The following CLK2 variants were observed in gnomAD, a reference collection of about 807,000 sequenced individuals.
CLK2 encodes the protein dual specificity protein kinase CLK2.
A neutral mutation model predicts 73.5 loss-of-function variants in CLK2; 12 were observed. That is an observed-to-expected ratio of 0.16 (90% CI 0.10 to 0.26). CLK2 has a LOEUF of 0.26. CLK2 is among the 10% of genes least tolerant of loss of function. The probability of loss-of-function intolerance (pLI) is 1.00; values close to 1 mark genes in which losing one functional copy is unlikely to be tolerated. For missense variants in CLK2, 509 were observed against 688.4 expected (o/e 0.74, Z 2.92); for synonymous variants, 232 against 237.9 (o/e 0.98, Z 0.23).
rs376415401 is a variant in CLK2, at chr1:155,269,731, A to T, written c.171-15T>A. On this transcript the variant is annotated splice_polypyrimidine_tract_variant and intron_variant, in intron 2 of 12. Coordinates refer to ENST00000368361, the MANE Select transcript of CLK2 (RefSeq NM_001294338.2). ...CATCATAACTGCTGTTGGATAACAAATACCAATGAGGTGTATCTGTTCAGA... is the reference window on the plus strand; with the variant it reads ...CATCATAACTGCTGTTGGATAACAATTACCAATGAGGTGTATCTGTTCAGA... 6.2e-7 allele frequency: 1 copy of T among 1,609,586 alleles called. No homozygotes were observed. The highest frequency in any genetic ancestry group is 2.2e-5 in the East Asian group (1 of 44,864).
rs1428231721 is a variant in CLK2, at chr1:155,268,051, G to A, written c.630C>T (p.Asn210=). The A allele has an allele frequency of 4.3e-6, 7 of 1,613,974 alleles. No homozygotes were observed. Among genetic ancestry groups the A allele is most frequent in the Admixed American group, 3.3e-5 (2 of 59,996 alleles). ...CTTTCTCATTGATTTTCTCTAGCAC[G>A]TTGATCTCAAGTCGAGCTGCTTCCT... is the stretch of plus-strand genomic sequence containing the variant. ...KYKEAARLEI[N]VLEKINEKDP... is the part of the protein sequence containing the mutation. Residue 210 remains asparagine (N), a synonymous_variant, in exon 6 of 13, where the codon AAC becomes AAT. Transcript: ENST00000368361. This position sits in a 1 kb window ranked among gnomAD's most constrained non-coding sequence, Gnocchi z 5.6.
chr1:155,269,902 A>G (rs752733708), intron 2 of CLK2, among the ~76,000 whole-genome samples, 186 bp from the exon 3 acceptor site: 11 of 152,164 alleles, frequency 7.2e-5, no homozygotes, highest in Non-Finnish European at 1.6e-4. Flanking sequence ...CTGCCATGTC[A>G]CCAAAACCTC....
At chr1:155,264,595 CCCCA>C in intron 9 of CLK2, 45 bp from the exon 10 acceptor site, 1 of 1,614,204 alleles carries the variant, frequency 6.2e-7, no homozygotes, top group Non-Finnish European at 8.5e-7. Context: ...GCTTAGGTGG[CCCCA>C]CCCTCACATC....
rs773644487 is a variant in CLK2 at position 155,269,718 on chromosome 1, T to C, written c.171-2A>G. 6.2e-7 allele frequency: 1 copy of C among 1,613,612 alleles called. No individual in the cohort carries two copies. Among genetic ancestry groups the C allele is most frequent in the South Asian group, 1.1e-5 (1 of 91,078 alleles). On this transcript the variant is annotated splice_acceptor_variant, in intron 2 of 12. Coordinates refer to ENST00000368361, the MANE Select transcript of CLK2 (RefSeq NM_001294338.2). LOFTEE classifies it high-confidence loss of function. ...TCGGACGAACGATCATCATAACTGC[T>C]GTTGGATAACAAATACCAATGAGGT...
Position 155,268,616 on chromosome 1 carries a change from A to C in CLK2, c.487+92T>G. On this transcript the variant is annotated intron_variant, in intron 4 of 12. Coordinates refer to ENST00000368361, the MANE Select transcript of CLK2 (RefSeq NM_001294338.2). This position sits in a 1 kb window ranked among gnomAD's most constrained non-coding sequence, Gnocchi z 5.6. ...CCCAGATAAACAACACCACTGAGAA[A>C]AGGCAAGAGGCTGTGACTCAGGTTG... 1.6e-6 allele frequency: 2 copies of C among 1,214,764 alleles called. No individual in the cohort carries two copies. Among genetic ancestry groups the C allele is most frequent in the Non-Finnish European group, 2.4e-6 (2 of 819,634 alleles). 75.2% of individuals were successfully genotyped at this position (1,214,764 alleles called of 1,614,324 possible). A position where few individuals can be genotyped will look rare whatever the true frequency, so the allele number is the denominator to read the frequency against.
rs144312459 is a variant in CLK2, at chr1:155,264,826, A to T, written c.934-52T>A. ...ACCTCTGCACCCAGACTGAGATTCC[A>T]CCAGTATTCTCTACATTGCTTCTGA... On this transcript the variant is annotated intron_variant, in intron 8 of 12. Coordinates refer to ENST00000368361, the MANE Select transcript of CLK2 (RefSeq NM_001294338.2). 1,354 of 1,602,560 alleles carry T rather than the reference A, an allele frequency of 8.4e-4. 5 individuals are homozygous for T. The African/African-American group carries it at 0.017, about 20-fold the overall frequency.
chr1:155,266,856 G>T lies in CLK2; in HGVS notation c.711C>A (p.Gly237=), dbSNP rs1410785936. 1 of 1,613,622 alleles carries T rather than the reference G, an allele frequency of 6.2e-7. No individual in the cohort carries two copies. The highest frequency in any genetic ancestry group is 1.1e-5 in the South Asian group (1 of 90,914). ...VQMFDWFDYH[G]HMCISFELLG... is the part of the protein sequence containing the mutation. Reference sequence around the variant, plus strand: ...GAAGCTCAAAGGAGATACACATGTGGCCATGGTAGTCAAACCAGTCAAACA... The same window carrying T: ...GAAGCTCAAAGGAGATACACATGTGTCCATGGTAGTCAAACCAGTCAAACA... Residue 237 remains glycine, a synonymous_variant, in exon 7 of 13, where the codon GGC becomes GGA. Transcript: ENST00000368361.
Position 155,263,095 on chromosome 1 carries a change from G to A in CLK2, c.*123C>T. ...ATTTACACTATTTCACATATTCACA[G>A]GTATATAGAGAGCCAGGAGGAAGGA... On this transcript the variant is annotated 3_prime_UTR_variant, in exon 13 of 13. Transcript: ENST00000368361. 1 of 875,484 alleles carries A rather than the reference G, an allele frequency of 1.1e-6. No individual in the cohort carries two copies. Among genetic ancestry groups the A allele is most frequent in the Non-Finnish European group, 1.7e-6 (1 of 585,132 alleles). The allele number at this position is 875,484 out of a possible 1,614,324, so 54.2% of individuals were successfully genotyped here. A position where few individuals can be genotyped will look rare whatever the true frequency, so the allele number is the denominator to read the frequency against.
rs1287549264 is a variant in CLK2 at position 155,263,872 on chromosome 1, G to A, written c.1317+78C>T. ...TTTCCTAACCCTCTGCTTGTGAAGA[G>A]CATTCCAGGGGGCAAACCACCCTAA... On this transcript the variant is annotated intron_variant, in intron 12 of 12. Transcript: ENST00000368361. 1.3e-5 allele frequency: 19 copies of A among 1,441,930 alleles called. No individual in the cohort carries two copies. In the Admixed American group the frequency reaches 3.4e-4, roughly 26 times the overall value. The allele number at this position is 1,441,930 out of a possible 1,614,324, so 89.3% of individuals were successfully genotyped here.
At position 155,268,853 on chromosome 1, in the gene CLK2, A is replaced by AGGGG; in HGVS notation, c.400-59_400-58insCCCC. ...AGGTGTCGGAGCGGGGGCCGGAGGGAGGCGGGGTGGGTGGTAGAGGGGTCA... is the reference window on the plus strand; with the variant it reads ...AGGTGTCGGAGCGGGGGCCGGAGGGAGGGGGGCGGGGTGGGTGGTAGAGGGGTCA... On this transcript the variant is annotated intron_variant, in intron 3 of 12. Coordinates refer to ENST00000368361, the MANE Select transcript of CLK2 (RefSeq NM_001294338.2). This position sits in a 1 kb window ranked among gnomAD's most constrained non-coding sequence, Gnocchi z 5.6. The AGGGG allele has an allele frequency of 4.7e-6, 1 of 211,358 alleles. No individual in the cohort carries two copies. The allele number at this position is 211,358 out of a possible 1,614,324, so 13.1% of individuals were successfully genotyped here. A position where few individuals can be genotyped will look rare whatever the true frequency, so the allele number is the denominator to read the frequency against.
rs34395206 is a variant in CLK2 at position 155,267,848 on chromosome 1, C to G, written c.671+162G>C. Among the ~76,000 whole-genome samples the G allele has an allele frequency of 1.6e-4, 24 of 152,208 alleles. 1 individual carries two copies. The highest frequency in any genetic ancestry group is 3.4e-3 in the Middle Eastern group (1 of 294). On this transcript the variant is annotated intron_variant, in intron 6 of 12. Coordinates refer to ENST00000368361, the MANE Select transcript of CLK2 (RefSeq NM_001294338.2). ...GGATTAAGGAATGTCATGGGCCCCC[C>G]CCCTTTCCTACCCTGATGTTCTACT...
At chr1:155,269,021 G>A in intron 3 of CLK2, 2 of 608,686 alleles carry the variant, frequency 3.3e-6, no homozygotes, top group Admixed American at 2.8e-5. Flanking sequence ...CAGGAACAGG[G>A]AGAGGCATGG....
rs750231467 is a variant in CLK2 at position 155,270,910 on chromosome 1, C to T, written c.68G>A (p.Arg23Gln). Residue 23 changes from arginine to glutamine, a missense_variant, in exon 2 of 13, where the codon CGG becomes CAG. By Grantham distance (43) the Arg-to-Gln change is conservative. Transcript: ENST00000368361. Reference protein sequence around the residue: ...GSRGSYREHYRSRKHKRRRSR... With the variant: ...GSRGSYREHYQSRKHKRRRSR... ...TCTTCGTCGCTTATGCTTTCGGCTC[C>T]GATAGTGTTCACGGTAACTCCCCCG... 91 of 1,614,138 alleles carry T rather than the reference C, an allele frequency of 5.6e-5. No individual in the cohort carries two copies. The highest frequency in any genetic ancestry group is 3.3e-4 in the Middle Eastern group (2 of 6,062).
intron 8 of CLK2, among the ~76,000 whole-genome samples, chr1:155,265,592 A>AATAAATAAATAT (rs1553224453): frequency 1.9e-3 from 286 of 149,906 alleles, no homozygotes; most frequent in East Asian, 9.0e-3. Flanking sequence ...TAAATAAATA[A>AATAAATAAATAT]ATAAATAAAT....
intron 8 of CLK2, among the ~76,000 whole-genome samples, chr1:155,265,588 A>AATAAATAAATAAATAAATAAATAT (rs1557932155): frequency 1.3e-5 from 2 of 150,878 alleles, no homozygotes; most frequent in South Asian, 2.1e-4. Flanking sequence ...TAAATAAATA[A>AATAAATAAATAAATAAATAAATAT]ATAAATAAAT....
At position 155,269,694 on chromosome 1, in the gene CLK2, C is replaced by G. The variant is rs201508123; in HGVS notation, c.193G>C (p.Asp65His). The change falls in exon 3 of 13, where the codon GAC (aspartate) becomes CAC (histidine). Residue 65 changes from aspartate to histidine, a missense_variant. This residue lies in a region of CLK2 where 222 missense variants were observed against 221.7 expected (regional missense o/e 1.00). Coordinates refer to ENST00000368361, the MANE Select transcript of CLK2 (RefSeq NM_001294338.2). ...TATCGCCGGTCATACACCCTCCGGT[C>G]GGACGAACGATCATCATAACTGCTG... ...SRSSYDDRSS[D>H]RRVYDRRYCG... 1 of 1,614,104 alleles carries G rather than the reference C, an allele frequency of 6.2e-7. No homozygotes were observed. The highest frequency in any genetic ancestry group is 1.3e-5 in the African/African-American group (1 of 74,936).
Position 155,268,578 on chromosome 1 carries a change from G to C in CLK2, c.487+130C>G, listed in dbSNP as rs1490550381. 1.1e-6 allele frequency: 1 copy of C among 919,406 alleles called. No individual in the cohort carries two copies. The highest frequency in any genetic ancestry group is 2.4e-5 in the East Asian group (1 of 41,496). 57.0% of individuals were successfully genotyped at this position (919,406 alleles called of 1,614,324 possible). ...GGACAACAGAGGTCAATTCTCAACA[G>C]CAACTCAAACCACCCAGATAAACAA... On this transcript the variant is annotated intron_variant, in intron 4 of 12. Coordinates refer to ENST00000368361, the MANE Select transcript of CLK2 (RefSeq NM_001294338.2). This position sits in a 1 kb window ranked among gnomAD's most constrained non-coding sequence, Gnocchi z 5.6.
At chr1:155,263,561 A>T (rs913666414) in intron 12 of CLK2, 161 bp from the exon 13 acceptor site, 1 of 985,420 alleles carries the variant, frequency 1.0e-6, no homozygotes, top group South Asian at 4.7e-5. Context: ...CTGATATTAT[A>T]GCTCAACCTA....
At chr1:155,263,625 T>C in intron 12 of CLK2, 1 of 985,200 alleles carries the variant, frequency 1.0e-6, no homozygotes, top group Middle Eastern at 5.2e-4. Flanking sequence ...TCTACTTGTA[T>C]ATCCTTGTCA....
Sources: gnomAD v4.1 joint callset for allele counts (sites outside exome capture counted in the v4.1 genomes callset) on GRCh38, gnomAD v4.1.1 for gene constraint, gnomAD v4.1.1 regional missense constraint, Gnocchi (gnomAD v3.1) non-coding constraint, MANE v1.5 for transcripts, NCBI Gene and HGNC (gene_info 2026-07-23, HGNC 2026-07-21) for gene names.